Variants in APOL3 observed in about 807,000 individuals in gnomAD.
APOL3 encodes apolipoprotein L3, also known as TNF-inducible protein CG12-1.
A neutral mutation model predicts 11.6 loss-of-function variants in APOL3; 14 were observed. That is an observed-to-expected ratio of 1.21 (90% confidence interval 0.80 to 1.89). The LOEUF is 1.89. Among genes scored for constraint, APOL3 ranks in the 40% most tolerant of loss-of-function variants. The pLI, the probability that APOL3 is intolerant of heterozygous loss-of-function variation, is 0.00. For missense variants in APOL3, 483 were observed against 492.1 expected (o/e 0.98, Z 0.17); for synonymous variants, 192 against 190.6 (o/e 1.01, Z -0.06).
chr22:36,143,578 T>A (rs1283859828), intron 2 of APOL3, among the ~76,000 whole-genome samples: 1 of 152,234 alleles, frequency 6.6e-6, no homozygotes. Flanking sequence ...ATGTTCTCTC[T>A]TCCAATGCCA....
At chr22:36,165,697 A>G (rs1276770891), upstream of APOL3, 1 of 152,206 alleles carries the variant, frequency 6.6e-6, no homozygotes, top group African/African-American at 2.4e-5. Flanking sequence ...TCTGATATCT[A>G]CGTGGGCCCC....
intron 1 of APOL3, among the ~76,000 whole-genome samples, chr22:36,159,070 A>AGTTTATAGCAAAT (rs1222722306): frequency 6.6e-6 from 1 of 151,894 alleles, no homozygotes; most frequent in Non-Finnish European, 1.5e-5. Flanking sequence ...ATTGCACCTG[A>AGTTTATAGCAAAT]GTTTATAGCA....
chr22:36,151,259 C>T (rs953525584), intron 1 of APOL3, among the ~76,000 whole-genome samples: 3 of 152,070 alleles, frequency 2.0e-5, no homozygotes, highest in Non-Finnish European at 4.4e-5. Flanking sequence ...CTGCCCCTTT[C>T]TTTAATATGA....
exon 3 of APOL3, chr22:36,141,139 C>A: frequency 6.4e-7 from 1 of 1,551,570 alleles, no homozygotes. Flanking sequence ...TAATAAAATG[C>A]CTGCATTTTG....
Position 36,149,162 on chromosome 22 carries a change from A to G in APOL3, c.224-3563T>C, listed in dbSNP as rs1474962846. 1 of 1,358,264 alleles carries G rather than the reference A, an allele frequency of 7.4e-7. No homozygotes were observed. The highest frequency in any genetic ancestry group is 2.0e-5 in the Admixed American group (1 of 50,486). The allele number at this position is 1,358,264 out of a possible 1,614,324, so 84.1% of individuals were successfully genotyped here. A position where few individuals can be genotyped will look rare whatever the true frequency, so the allele number is the denominator to read the frequency against. ...TTAACCCTTGAGGAGGAGAAAGCAA[A>G]TTGTGGGACTGAATGTGAGCCACCT... On this transcript the variant is annotated intron_variant, in intron 1 of 2. Coordinates refer to ENST00000349314, the Ensembl canonical transcript of APOL3.
At chr22:36,141,349 C>A (rs1306475825) in exon 3 of APOL3, 4 of 1,614,100 alleles carry the variant, frequency 2.5e-6, no homozygotes, top group Non-Finnish European at 3.4e-6. Flanking sequence ...ACAAGGTTGA[C>A]CACATCCAGT....
At chr22:36,160,897 G>A in exon 1 of APOL3, 1 of 1,612,478 alleles carries the variant, frequency 6.2e-7, no homozygotes, top group Non-Finnish European at 8.5e-7. Flanking sequence ...CCCATCCTTG[G>A]TCCAGCAGCA....
intron 1 of APOL3, among the ~76,000 whole-genome samples, chr22:36,152,366 A>T (rs146038503): frequency 2.0e-5 from 3 of 152,368 alleles, no homozygotes; most frequent in Admixed American, 1.3e-4. Flanking sequence ...AAGCGTCACC[A>T]AAATGTAAAC....
intron 1 of APOL3, among the ~76,000 whole-genome samples, chr22:36,147,274 G>T (rs1261596342): frequency 6.6e-6 from 1 of 152,148 alleles, no homozygotes; most frequent in East Asian, 1.9e-4. Context: ...GCAGTGGAGG[G>T]GGTTCTTTAG....
At chr22:36,153,462 A>C in intron 1 of APOL3, 1 of 455,014 alleles carries the variant, frequency 2.2e-6, no homozygotes. Context: ...TTTATGTTAA[A>C]CTGTTAATAT....
Position 36,158,189 on chromosome 22 carries a change from G to A in APOL3, c.223+2480C>T, listed in dbSNP as rs568313602. On this transcript the variant is annotated intron_variant, in intron 1 of 2. Transcript: ENST00000349314. ...TATGTAAGTGATCACAGAGACATAC[G>A]TTTTTGAAACATTAGATAAGCCAAA... 5.9e-5 allele frequency among the ~76,000 whole-genome samples: 9 copies of A among 152,296 alleles called. No homozygotes were observed. In the South Asian group the frequency reaches 1.2e-3, roughly 21 times the overall value.
intron 1 of APOL3, among the ~76,000 whole-genome samples, chr22:36,152,321 A>G (rs1181729904): frequency 6.6e-6 from 1 of 152,250 alleles, no homozygotes; most frequent in Non-Finnish European, 1.5e-5. Flanking sequence ...GTGCAACCAT[A>G]TTGTACAACT....
upstream of APOL3, among the ~76,000 whole-genome samples, chr22:36,161,932 A>ATAATAGG (rs2013722063): frequency 2.6e-5 from 4 of 152,260 alleles, no homozygotes; most frequent in Admixed American, 2.6e-4. Context: ...CATCCTTCAA[A>ATAATAGG]TAATAGGTGC....
intron 1 of APOL3, chr22:36,149,347 C>T (rs776826226): frequency 2.3e-6 from 3 of 1,306,420 alleles, no homozygotes; most frequent in South Asian, 2.4e-5. Flanking sequence ...CCCTCACTCT[C>T]ACACCAAGGC....
intron 1 of APOL3, chr22:36,149,351 C>T (rs2060342759): frequency 1.5e-6 from 2 of 1,306,284 alleles, no homozygotes; most frequent in African/African-American, 1.5e-5. Context: ...CACTCTCACA[C>T]CAAGGCAGGG....
chr22:36,164,264 G>C (rs1326739698), upstream of APOL3, among the ~76,000 whole-genome samples: 2 of 152,044 alleles, frequency 1.3e-5, no homozygotes, highest in African/African-American at 4.8e-5. Flanking sequence ...TTCCATTCCT[G>C]CTTCTGAGTG....
chr22:36,143,683 C>T (rs937793082), intron 2 of APOL3, among the ~76,000 whole-genome samples: 17 of 152,214 alleles, frequency 1.1e-4, no homozygotes, highest in Admixed American at 2.6e-4. Flanking sequence ...CCTGGCTGCA[C>T]ATGAACTCTC....
rs369513422 is a variant in APOL3, at chr22:36,141,326, C to G, written c.1083G>C (p.Lys361Asn). Residue 361 changes from lysine (K) to asparagine (N), a missense_variant, in exon 3 of 3, where the codon AAG becomes AAC. Lys to Asn is a moderately conservative substitution (Grantham distance 94). Coordinates refer to ENST00000349314, the Ensembl canonical transcript of APOL3. ...CAGACTTTGCCCCCTCATGCAAGTGCTTTGACTCGTATACAAGGTTGACCA... is the reference window on the plus strand; with the variant it reads ...CAGACTTTGCCCCCTCATGCAAGTGGTTTGACTCGTATACAAGGTTGACCA... 3 of 1,614,210 alleles carry G rather than the reference C, an allele frequency of 1.9e-6. No individual in the cohort carries two copies. In the South Asian group the frequency reaches 3.3e-5, roughly 18 times the overall value.
exon 1 of APOL3, chr22:36,160,857 G>T (rs1019881482): frequency 2.5e-6 from 4 of 1,613,166 alleles, no homozygotes; most frequent in Admixed American, 1.7e-5. Context: ...TGCAAAACAG[G>T]ATGCTTCCCA....
Sources: allele counts gnomAD v4.1 joint callset (sites outside exome capture counted in the v4.1 genomes callset), GRCh38; gene constraint gnomAD v4.1.1; transcripts MANE v1.5; gene names NCBI Gene and HGNC (gene_info 2026-07-23, HGNC 2026-07-21).